The following CPNE8 variants were observed in gnomAD, a reference collection of about 807,000 sequenced individuals.
CPNE8 encodes the protein copine 8, also known as copine-8.
CPNE8 carries 45 observed loss-of-function variants against 81.5 expected under a neutral mutation model. The ratio of observed to expected loss-of-function variants is 0.55; its 90% confidence interval spans 0.44 to 0.71. CPNE8 has a LOEUF of 0.71. Among genes scored for constraint, CPNE8 ranks in the 30% least tolerant of loss-of-function variants. The probability of loss-of-function intolerance (pLI) is 0.00; values close to 1 mark genes in which losing one functional copy is unlikely to be tolerated. For missense variants in CPNE8, 594 were observed against 672.1 expected (o/e 0.88, Z 1.28); for synonymous variants, 252 against 226.3 (o/e 1.11, Z -1.02).
chr12:38,870,436 T>TAC, intron 3 of CPNE8, among the ~76,000 whole-genome samples: 1 of 152,258 alleles, frequency 6.6e-6, no homozygotes. Flanking sequence ...ATGTGGCACA[T>TAC]ACACACCATG....
At chr12:38,857,358 A>T (rs1943758453) in intron 3 of CPNE8, among the ~76,000 whole-genome samples, 1 of 152,196 alleles carries the variant, frequency 6.6e-6, no homozygotes, top group Non-Finnish European at 1.5e-5. Flanking sequence ...TTGTTTATTG[A>T]TTGGCTATCA....
intron 6 of CPNE8, among the ~76,000 whole-genome samples, chr12:38,817,090 G>A (rs1388050301): frequency 6.6e-6 from 1 of 152,094 alleles, no homozygotes; most frequent in Non-Finnish European, 1.5e-5. Context: ...GGGAATATGT[G>A]AGCCAATTAA....
At chr12:38,744,287 C>T (rs1476249618) in intron 10 of CPNE8, among the ~76,000 whole-genome samples, 2 of 152,134 alleles carry the variant, frequency 1.3e-5, no homozygotes, top group Non-Finnish European at 2.9e-5. Context: ...ATGAGGTAAT[C>T]ACGAATTCCA....
intron 6 of CPNE8, among the ~76,000 whole-genome samples, chr12:38,817,104 G>A (rs1299577259): frequency 6.6e-6 from 1 of 152,160 alleles, no homozygotes; most frequent in East Asian, 1.9e-4. Flanking sequence ...CAATTAAACA[G>A]GAACTTTTGA....
At chr12:38,717,924 TTTAAG>T (rs1286099442) in intron 13 of CPNE8, among the ~76,000 whole-genome samples, 2 of 152,042 alleles carry the variant, frequency 1.3e-5, no homozygotes, top group African/African-American at 4.8e-5. Flanking sequence ...ATCTTAGTAT[TTTAAG>T]TTAAAAGTGA....
At chr12:38,725,536 A>G (rs1161031459) in intron 11 of CPNE8, among the ~76,000 whole-genome samples, 1 of 152,256 alleles carries the variant, frequency 6.6e-6, no homozygotes, top group East Asian at 1.9e-4. Context: ...AACGTAATAC[A>G]TAATTGCCTG....
rs1491219731 is a variant in CPNE8 at position 38,717,427 on chromosome 12, G to GTATATATATATATATATATATATATA, written c.914+6344_914+6345insTATATATATATATATATATATATATA. On this transcript the variant is annotated intron_variant, in intron 13 of 19. Transcript: ENST00000331366. ...CCAACAAGTAAACAAAGAAAGTGTGGTGTATATATATATATATATATATAT... is the reference window on the plus strand; with the variant it reads ...CCAACAAGTAAACAAAGAAAGTGTGGTATATATATATATATATATATATATATGTATATATATATATATATATATAT... Among the ~76,000 whole-genome samples the GTATATATATATATATATATATATATA allele has an allele frequency of 9.5e-4, 66 of 69,682 alleles. 17 individuals are homozygous for GTATATATATATATATATATATATATA. Among genetic ancestry groups the GTATATATATATATATATATATATATA allele is most frequent in the Non-Finnish European group, 1.3e-3 (51 of 38,694 alleles). 45.7% of individuals were successfully genotyped at this position (69,682 alleles called of 152,430 possible). A position where few individuals can be genotyped will look rare whatever the true frequency, so the allele number is the denominator to read the frequency against.
intron 13 of CPNE8, among the ~76,000 whole-genome samples, chr12:38,721,720 G>T (rs1369781382): frequency 3.9e-5 from 6 of 152,202 alleles, no homozygotes; most frequent in Non-Finnish European, 2.9e-5. Context: ...CCAGACCTGG[G>T]AGCTCCCTGA....
At chr12:38,882,202 A>T (rs1944169911) in intron 1 of CPNE8, among the ~76,000 whole-genome samples, 1 of 152,204 alleles carries the variant, frequency 6.6e-6, no homozygotes, top group African/African-American at 2.4e-5. Context: ...AATCACATAT[A>T]TCATATATAA....
intron 14 of CPNE8, among the ~76,000 whole-genome samples, chr12:38,697,335 C>T (rs1489831871): frequency 6.6e-6 from 1 of 152,132 alleles, no homozygotes; most frequent in East Asian, 1.9e-4. Flanking sequence ...TATCTTATAG[C>T]CTGCATGTAT....
chr12:38,685,793 G>A (rs761852709), intron 15 of CPNE8, 176 bp from the exon 16 acceptor site: 18 of 511,256 alleles, frequency 3.5e-5, no homozygotes, highest in African/African-American at 5.9e-5. Flanking sequence ...ATCAACAATC[G>A]ATTATGATAT....
chr12:38,797,149 C>G (rs977097857), intron 6 of CPNE8, among the ~76,000 whole-genome samples: 1 of 152,210 alleles, frequency 6.6e-6, no homozygotes, highest in Non-Finnish European at 1.5e-5. Context: ...CAGCAGTAAC[C>G]TCTGCAGACG....
intron 19 of CPNE8, among the ~76,000 whole-genome samples, chr12:38,665,503 A>C (rs975223621): frequency 6.6e-6 from 1 of 152,052 alleles, no homozygotes; most frequent in Non-Finnish European, 1.5e-5. Context: ...TATTCGTAAA[A>C]ATAAGTTTGA....
intron 6 of CPNE8, among the ~76,000 whole-genome samples, chr12:38,817,709 C>T (rs558203243): frequency 2.1e-4 from 31 of 146,192 alleles, no homozygotes; most frequent in African/African-American, 7.3e-4. Context: ...CTGCAAGCTC[C>T]GCCTCCTGGG....
At chr12:38,687,063 G>A (rs568971347) in intron 15 of CPNE8, among the ~76,000 whole-genome samples, 1 of 152,202 alleles carries the variant, frequency 6.6e-6, no homozygotes, top group South Asian at 2.1e-4. Flanking sequence ...ACAGAGTTAG[G>A]AATAATTTTA....
In CPNE8 at chr12:38,731,078, A is replaced by T. The variant is rs567867306; in HGVS notation, c.723-720T>A. Among the ~76,000 whole-genome samples, 8 of 152,036 alleles carry T rather than the reference A, an allele frequency of 5.3e-5. 1 individual carries two copies. In the South Asian group the frequency reaches 1.7e-3, roughly 31 times the overall value. On this transcript the variant is annotated intron_variant, in intron 10 of 19. Coordinates refer to ENST00000331366, the MANE Select transcript of CPNE8 (RefSeq NM_153634.3). ...TGCTAAACATTCAGCAATCTAGAGC[A>T]GACTCATATTCTACCCCTTTGAGTT...
At chr12:38,693,892 C>G (rs1188148583) in intron 14 of CPNE8, 54 bp from the exon 15 acceptor site, 2 of 1,412,734 alleles carry the variant, frequency 1.4e-6, no homozygotes, top group Non-Finnish European at 1.9e-6. Context: ...ATAAATTTAA[C>G]AAAATTTTTC....
chr12:38,787,690 C>T (rs1481424106), intron 6 of CPNE8, among the ~76,000 whole-genome samples: 1 of 151,296 alleles, frequency 6.6e-6, no homozygotes, highest in Non-Finnish European at 1.5e-5. Flanking sequence ...ACAAAATCAA[C>T]AAACCTTTAG....
chr12:38,756,458 A>G (rs1213331224), intron 10 of CPNE8, among the ~76,000 whole-genome samples: 7 of 150,974 alleles, frequency 4.6e-5, no homozygotes, highest in Non-Finnish European at 8.8e-5. Context: ...GGCTCAAGCC[A>G]TCTTCCTGCC....
Sources: allele counts gnomAD v4.1 joint callset (sites outside exome capture counted in the v4.1 genomes callset), GRCh38; gene constraint gnomAD v4.1.1; transcripts MANE v1.5; gene names NCBI Gene and HGNC (gene_info 2026-07-23, HGNC 2026-07-21).